The following JMJD6 variants were observed in gnomAD, a reference collection of about 807,000 sequenced individuals.
JMJD6 encodes bifunctional arginine demethylase and lysyl-hydroxylase JMJD6.
In JMJD6, 17 loss-of-function variants were observed where a neutral mutation model predicts 45.8. The observed-to-expected ratio is 0.37, with a 90% CI of 0.25 to 0.56. The LOEUF (loss-of-function observed/expected upper bound fraction) is 0.56. JMJD6 is among the 20% of genes least tolerant of loss of function. The pLI, the probability that JMJD6 is intolerant of heterozygous loss-of-function variation, is 0.79. For missense variants in JMJD6, 470 were observed against 517.5 expected (o/e 0.91, Z 0.89); for synonymous variants, 221 against 196.3 (o/e 1.13, Z -1.05).
rs768659822 is a variant in JMJD6, at chr17:76,718,723, G to C, written c.*6C>G. On this transcript the variant is annotated 3_prime_UTR_variant, in exon 6 of 6. Coordinates refer to ENST00000397625, the MANE Select transcript of JMJD6 (RefSeq NM_015167.3). Reference sequence around the variant, plus strand: ...GTCCTTCCATACAGACAACAGCCTTGCTGGGTCACCTGGAGGAGCTGCGCT... The same window carrying C: ...GTCCTTCCATACAGACAACAGCCTTCCTGGGTCACCTGGAGGAGCTGCGCT... 6.2e-7 allele frequency: 1 copy of C among 1,613,680 alleles called. No homozygotes were observed. The highest frequency in any genetic ancestry group is 8.5e-7 in the Non-Finnish European group (1 of 1,179,712).
chr17:76,715,994 A>G (rs1266351855), downstream of JMJD6: 1 of 152,266 alleles, frequency 6.6e-6, no homozygotes, highest in Non-Finnish European at 1.5e-5. Context: ...GAGCCTATTC[A>G]TACTTTAAGT....
chr17:76,714,816 G>C (rs2076752895), downstream of JMJD6: 1 of 152,148 alleles, frequency 6.6e-6, no homozygotes, highest in South Asian at 2.1e-4. Flanking sequence ...TTATTTTCTA[G>C]ATTATTATTT....
chr17:76,721,675 G>T, intron 4 of JMJD6, 123 bp downstream of exon 4: 1 of 1,117,076 alleles, frequency 9.0e-7, no homozygotes. Flanking sequence ...CAGAGGGTCG[G>T]CAGCCCCAGC....
intron 5 of JMJD6, among the ~76,000 whole-genome samples, chr17:76,720,075 G>C (rs919910656): frequency 6.6e-6 from 1 of 152,224 alleles, no homozygotes; most frequent in African/African-American, 2.4e-5. Context: ...AACTTGGGAG[G>C]CAGAGGTTAC....
rs1301975302 is a variant in JMJD6, at chr17:76,725,592, G to A, written c.393C>T (p.Tyr131=). ...MESTRDDSPL[Y]IFDSSYGEHP... ...GTTCACCATAGCTGCTGTCAAAGAT[G>A]TAAAGGGGACTATCATCTCGAGTGC... Residue 131 remains tyrosine, a synonymous_variant, in exon 2 of 6, where the codon TAC becomes TAT. Transcript: ENST00000397625. The A allele has an allele frequency of 7.4e-6, 12 of 1,613,938 alleles. No individual in the cohort carries two copies. Among genetic ancestry groups the A allele is most frequent in the East Asian group, 4.5e-5 (2 of 44,884 alleles).
Position 76,726,461 on chromosome 17 carries a change from G to A in JMJD6, c.15C>T (p.Ser5=), listed in dbSNP as rs2076938478. 1 of 1,603,506 alleles carries A rather than the reference G, an allele frequency of 6.2e-7. No homozygotes were observed. The highest frequency in any genetic ancestry group is 8.5e-7 in the Non-Finnish European group (1 of 1,176,182). MNHK[S]KKRIREAKRS... ...GCTTGGCCTCGCGGATGCGCTTCTT[G>A]CTCTTGTGGTTCATTCTGCGGGGTC... is the stretch of plus-strand genomic sequence containing the variant. Residue 5 remains serine, a synonymous_variant, in exon 1 of 6, where the codon AGC becomes AGT. Coordinates refer to ENST00000397625, the MANE Select transcript of JMJD6 (RefSeq NM_015167.3).
downstream of JMJD6, among the ~76,000 whole-genome samples, chr17:76,717,220 AT>A (rs2143717173): frequency 6.6e-6 from 1 of 152,296 alleles, no homozygotes; most frequent in East Asian, 1.9e-4. Flanking sequence ...AAACATGTAT[AT>A]ATATATTTTA....
In JMJD6 at chr17:76,723,912, C is replaced by A; in HGVS notation, c.665G>T (p.Arg222Leu). ...STPRELIKVTRDEGGNQQDEA... is the reference protein window; with the variant it reads ...STPRELIKVTLDEGGNQQDEA... Reference sequence around the variant, plus strand: ...GTCTTGCTGGTTCCCTCCTTCGTCTCGGGTCACTTTGATGAGTTCCCTGGG... The same window carrying A: ...GTCTTGCTGGTTCCCTCCTTCGTCTAGGGTCACTTTGATGAGTTCCCTGGG... Residue 222 changes from arginine to leucine, a missense_variant, in exon 3 of 6, where the codon CGA becomes CTA. Arg to Leu is a moderately radical substitution (Grantham distance 102, BLOSUM62 -2). Transcript: ENST00000397625. 1 of 1,614,068 alleles carries A rather than the reference C, an allele frequency of 6.2e-7. No homozygotes were observed. The highest frequency in any genetic ancestry group is 8.5e-7 in the Non-Finnish European group (1 of 1,180,010).
At chr17:76,726,196 C>T in intron 1 of JMJD6, 151 bp downstream of exon 1, 2 of 1,111,076 alleles carry the variant, frequency 1.8e-6, no homozygotes, top group South Asian at 3.5e-5. Context: ...CCGGAATCCG[C>T]GCCTCGGGGA....
Position 76,721,883 on chromosome 17 carries a change from G to C in JMJD6, c.856C>G (p.Gln286Glu). ...LNLDTTIAITQNFASSTNFPV... is the reference protein window; with the variant it reads ...LNLDTTIAITENFASSTNFPV... ...AAGTTGGTGCTGCTGGCAAAATTTT[G>C]GGTGATGGCGATAGTAGTGTCGAGA... The change falls in exon 4 of 6, where the codon CAA (glutamine) becomes GAA (glutamate). Residue 286 changes from glutamine (Q) to glutamate (E), a missense_variant. Gln to Glu is a conservative substitution (Grantham distance 29). Around this residue, in one of 4 missense-constraint regions of JMJD6, gnomAD observed 58 missense variants for 103.9 expected, o/e 0.56. Coordinates refer to ENST00000397625, the MANE Select transcript of JMJD6 (RefSeq NM_015167.3). 6.2e-7 allele frequency: 1 copy of C among 1,614,132 alleles called. No individual in the cohort carries two copies. Among genetic ancestry groups the C allele is most frequent in the South Asian group, 1.1e-5 (1 of 91,084 alleles).
At chr17:76,723,579 T>G (rs1371227462) in intron 3 of JMJD6, among the ~76,000 whole-genome samples, 193 bp downstream of exon 3, 1 of 152,040 alleles carries the variant, frequency 6.6e-6, no homozygotes, top group East Asian at 1.9e-4. Flanking sequence ...TGGCTGGGAC[T>G]ATAGGCGCCC....
chr17:76,725,990 G>C (rs1040319697), intron 1 of JMJD6, 135 bp from the exon 2 acceptor site: 15 of 1,182,930 alleles, frequency 1.3e-5, no homozygotes, highest in Admixed American at 5.9e-5. Context: ...CGGGGTGGGG[G>C]CAGGGCGCGT....
Position 76,726,284 on chromosome 17 carries a change from A to G in JMJD6, c.129+63T>C, listed in dbSNP as rs1032724921. The G allele has an allele frequency of 1.9e-5, 29 of 1,504,022 alleles. No individual in the cohort carries two copies. In the African/African-American group the frequency reaches 2.0e-4, roughly 11 times the overall value. The allele number at this position is 1,504,022 out of a possible 1,614,324, so 93.2% of individuals were successfully genotyped here. ...GGCGAGGGCAGCCTCGGGCCCAGAG[A>G]AAGGTGCGTAGCGGCTGGAGGTGCC... is the stretch of plus-strand genomic sequence containing the variant. On this transcript the variant is annotated intron_variant, in intron 1 of 5. Transcript: ENST00000397625.
intron 2 of JMJD6, among the ~76,000 whole-genome samples, chr17:76,724,868 G>A (rs1294205710): frequency 6.6e-6 from 1 of 152,024 alleles, no homozygotes; most frequent in African/African-American, 2.4e-5. Flanking sequence ...GTGGTTTATT[G>A]CTGGACTTTA....
rs1356383048 is a variant in JMJD6, at chr17:76,724,080, G to A, written c.519-22C>T. The A allele has an allele frequency of 1.9e-6, 3 of 1,609,646 alleles. No homozygotes were observed. The Admixed American group carries it at 5.0e-5, about 27-fold the overall frequency. On this transcript the variant is annotated intron_variant, in intron 2 of 5. Coordinates refer to ENST00000397625, the MANE Select transcript of JMJD6 (RefSeq NM_015167.3). ...CCACCTACAGAATGGAGATATCCAA[G>A]ATGTGAAGTGTAATTTACTTACACA...
rs1408175940 is a variant in JMJD6 at position 76,723,781 on chromosome 17, A to T, written c.796T>A (p.Phe266Ile). Reference sequence around the variant, plus strand: ...TCCAGTTCATCTATACCTGGTACAAAGACAGTCTCTCCTGGTTTTTGTAAG... The same window carrying T: ...TCCAGTTCATCTATACCTGGTACAATGACAGTCTCTCCTGGTTTTTGTAAG... ...EILQKPGETV[F>I]VPGGWWHVVL... The change falls in exon 3 of 6, where the codon TTT (phenylalanine) becomes ATT (isoleucine). Residue 266 changes from phenylalanine to isoleucine, a missense_variant. This residue lies in a region of JMJD6 where 346 missense variants were observed against 339.5 expected (regional missense o/e 1.02). Transcript: ENST00000397625. 1 of 1,614,046 alleles carries T rather than the reference A, an allele frequency of 6.2e-7. No homozygotes were observed. Among genetic ancestry groups the T allele is most frequent in the East Asian group, 2.2e-5 (1 of 44,884 alleles).
chr17:76,722,694 A>G (rs1288387758), intron 3 of JMJD6, among the ~76,000 whole-genome samples: 1 of 151,902 alleles, frequency 6.6e-6, no homozygotes, highest in Non-Finnish European at 1.5e-5. Flanking sequence ...AAAATACAAA[A>G]AATTAGCTGG....
downstream of JMJD6, chr17:76,715,540 G>A (rs1412110980): frequency 6.6e-6 from 1 of 152,212 alleles, no homozygotes; most frequent in Non-Finnish European, 1.5e-5. Flanking sequence ...TGTTTCTAGT[G>A]GATATTTTGA....
rs1007230753 is a variant in JMJD6, at chr17:76,725,473, G to A, written c.512C>T (p.Pro171Leu). Reference sequence around the variant, plus strand: ...TAGCTGCAGAATACTTTACCTGTAAGGGGGCCTGCGCTTCTCCCCAGCATA... The same window carrying A: ...TAGCTGCAGAATACTTTACCTGTAAAGGGGCCTGCGCTTCTCCCCAGCATA... ...FQYAGEKRRP[P>L]YRWFVMGPPR... The change falls in exon 2 of 6, where the codon CCT becomes CTT. Residue 171 changes from proline (P) to leucine (L), a missense_variant. Physicochemically the swap from Pro to Leu is moderately conservative, Grantham distance 98. Around this residue, in one of 4 missense-constraint regions of JMJD6, gnomAD observed 346 missense variants for 339.5 expected, o/e 1.02. Transcript: ENST00000397625. The A allele has an allele frequency of 6.2e-7, 1 of 1,601,954 alleles. No individual in the cohort carries two copies.
Sources: allele counts gnomAD v4.1 joint callset (sites outside exome capture counted in the v4.1 genomes callset), GRCh38; gene constraint gnomAD v4.1.1; regional missense constraint gnomAD v4.1.1; transcripts MANE v1.5; gene names NCBI Gene and HGNC (gene_info 2026-07-23, HGNC 2026-07-21).